Variants in KIAA0825 observed in about 807,000 individuals in gnomAD.
KIAA0825 encodes the protein uncharacterized protein KIAA0825.
In KIAA0825, 119 loss-of-function variants were observed where a neutral mutation model predicts 147.6. That is an observed-to-expected ratio of 0.81 (90% CI 0.69 to 0.94). KIAA0825 has a LOEUF of 0.94. KIAA0825 is among the 40% of genes least tolerant of loss of function. The pLI, the probability that KIAA0825 is intolerant of heterozygous loss-of-function variation, is 0.00. For synonymous variants in KIAA0825, 470 were observed against 518.1 expected, an observed-to-expected ratio of 0.91 and a Z score of 1.26; for missense variants, 1,381 against 1,472.7, an observed-to-expected ratio of 0.94 and a Z score of 1.02.
chr5:94,424,382 C>A (rs1246978770), intron 14 of KIAA0825, among the ~76,000 whole-genome samples: 1 of 151,914 alleles, frequency 6.6e-6, no homozygotes, highest in Non-Finnish European at 1.5e-5. Flanking sequence ...GGAAACTGTA[C>A]AAATATACAT....
intron 7 of KIAA0825, among the ~76,000 whole-genome samples, chr5:94,475,003 C>G (rs1350010682): frequency 2.0e-5 from 3 of 151,658 alleles, no homozygotes; most frequent in Admixed American, 6.6e-5. Flanking sequence ...GCAGGAGAAT[C>G]GCTGGAACCT....
intron 6 of KIAA0825, among the ~76,000 whole-genome samples, chr5:94,479,691 C>T (rs1429196470): frequency 6.6e-6 from 1 of 152,080 alleles, no homozygotes; most frequent in African/African-American, 2.4e-5. Flanking sequence ...TTCCAAAGAG[C>T]CTGTACCATT....
chr5:94,494,078 G>A (rs1764050852), intron 5 of KIAA0825, among the ~76,000 whole-genome samples: 1 of 152,038 alleles, frequency 6.6e-6, no homozygotes, highest in Non-Finnish European at 1.5e-5. Flanking sequence ...CTATTCTTCT[G>A]GGTCAATGAG....
intron 1 of KIAA0825, among the ~76,000 whole-genome samples, chr5:94,583,116 C>G (rs561566588): frequency 6.6e-6 from 1 of 152,076 alleles, no homozygotes; most frequent in South Asian, 2.1e-4. Flanking sequence ...ACGCATAAGA[C>G]GGGTGATTTC....
intron 20 of KIAA0825, among the ~76,000 whole-genome samples, chr5:94,372,991 A>G (rs1490125789): frequency 1.3e-5 from 2 of 152,178 alleles, no homozygotes; most frequent in Admixed American, 6.5e-5. Flanking sequence ...CTTTGCTAAC[A>G]CATAGCAAGA....
chr5:94,222,055 C>A (rs1296540730), intron 20 of KIAA0825, among the ~76,000 whole-genome samples: 4 of 152,064 alleles, frequency 2.6e-5, no homozygotes, highest in Non-Finnish European at 5.9e-5. Context: ...CTCAGGGCAC[C>A]CCTTGGCTAC....
chr5:94,469,632 A>T (rs994957692), intron 10 of KIAA0825, among the ~76,000 whole-genome samples: 1 of 152,218 alleles, frequency 6.6e-6, no homozygotes, highest in Non-Finnish European at 1.5e-5. Flanking sequence ...GTCTCTTTGG[A>T]AAAAATGCAA....
intron 20 of KIAA0825, among the ~76,000 whole-genome samples, chr5:94,257,707 G>A (rs529732473): frequency 9.9e-5 from 15 of 152,200 alleles, no homozygotes; most frequent in African/African-American, 3.6e-4. Context: ...AGAGACTAAA[G>A]TGACTTACGA....
At chr5:94,161,252 T>C (rs1767555949) in intron 20 of KIAA0825, among the ~76,000 whole-genome samples, 2 of 152,224 alleles carry the variant, frequency 1.3e-5, no homozygotes, top group African/African-American at 4.8e-5. Flanking sequence ...AAAGTCTTTA[T>C]TGTTCTAGCT....
chr5:94,473,544 C>A, intron 7 of KIAA0825, 25 bp from the exon 8 acceptor site: 1 of 1,396,324 alleles, frequency 7.2e-7, no homozygotes, highest in South Asian at 1.2e-5. Flanking sequence ...TATATGAAGT[C>A]ATGTTAATCT....
chr5:94,163,021 C>T (rs1767717117), intron 20 of KIAA0825, among the ~76,000 whole-genome samples: 1 of 152,072 alleles, frequency 6.6e-6, no homozygotes, highest in Admixed American at 6.6e-5. Flanking sequence ...AATCAATTTA[C>T]CCATCCTTAG....
At chr5:94,583,101 G>C (rs1463667772) in intron 1 of KIAA0825, among the ~76,000 whole-genome samples, 3 of 152,202 alleles carry the variant, frequency 2.0e-5, no homozygotes. Flanking sequence ...CTCCCAGCGA[G>C]ATCGACGCAT....
chr5:94,521,908 T>C (rs1465415451), intron 4 of KIAA0825, among the ~76,000 whole-genome samples: 1 of 151,756 alleles, frequency 6.6e-6, no homozygotes, highest in Non-Finnish European at 1.5e-5. Flanking sequence ...TTGATGAAGA[T>C]ACCAAAGGCA....
chr5:94,543,444 A>G (rs1169442134), intron 2 of KIAA0825, among the ~76,000 whole-genome samples: 1 of 152,186 alleles, frequency 6.6e-6, no homozygotes, highest in Admixed American at 6.5e-5. Flanking sequence ...CTCTGTCTCA[A>G]TAAATAAGTA....
At chr5:94,401,098 T>G (rs1467922799) in intron 16 of KIAA0825, among the ~76,000 whole-genome samples, 1 of 152,174 alleles carries the variant, frequency 6.6e-6, no homozygotes, top group Non-Finnish European at 1.5e-5. Context: ...TTTATCTTCA[T>G]GTTTTGGATA....
At chr5:94,204,561 C>A (rs938621432) in intron 20 of KIAA0825, among the ~76,000 whole-genome samples, 5 of 152,188 alleles carry the variant, frequency 3.3e-5, no homozygotes, top group African/African-American at 4.8e-5. Context: ...AAATAAATTT[C>A]TTTAGCTTCC....
chr5:94,569,707 A>T (rs1584923098), intron 2 of KIAA0825: 2 of 316,068 alleles, frequency 6.3e-6, no homozygotes, highest in East Asian at 1.0e-4. Context: ...TACACTAATC[A>T]CCAGATGCTT....
chr5:94,520,406 A>C lies in KIAA0825; in HGVS notation c.812T>G (p.Met271Arg). ...GTAAGTTTCTTTAATGAATTTCACCATTGAAGATGGAGCTAAAATTTCACA... is the reference window on the plus strand; with the variant it reads ...GTAAGTTTCTTTAATGAATTTCACCCTTGAAGATGGAGCTAAAATTTCACA... ...TLCEILAPSS[M>R]VKFIKETYLD... Residue 271 changes from methionine to arginine, a missense_variant, in exon 5 of 21, where the codon ATG becomes AGG. Physicochemically the swap from Met to Arg is moderately conservative, Grantham distance 91. Coordinates refer to ENST00000682413, the MANE Select transcript of KIAA0825 (RefSeq NM_001145678.3). The C allele has an allele frequency of 6.2e-7, 1 of 1,613,136 alleles. No individual in the cohort carries two copies. The highest frequency in any genetic ancestry group is 2.2e-5 in the East Asian group (1 of 44,848).
At chr5:94,526,418 G>A (rs1176272109) in intron 3 of KIAA0825, among the ~76,000 whole-genome samples, 2 of 151,904 alleles carry the variant, frequency 1.3e-5, no homozygotes, top group East Asian at 3.9e-4. Flanking sequence ...TCTTAAACTA[G>A]ATGGTGGGCA....
Sources: gnomAD v4.1 joint callset for allele counts (sites outside exome capture counted in the v4.1 genomes callset) on GRCh38, gnomAD v4.1.1 for gene constraint, MANE v1.5 for transcripts, NCBI Gene and HGNC (gene_info 2026-07-23, HGNC 2026-07-21) for gene names.